The following RBFOX1 variants were observed in gnomAD, a reference collection of about 807,000 sequenced individuals.
RBFOX1 encodes RNA binding fox-1 homolog 1, also known as RNA binding protein fox-1 homolog 1.
In RBFOX1, 8 loss-of-function variants were observed where a neutral mutation model predicts 57.7. The ratio of observed to expected loss-of-function variants is 0.14; its 90% confidence interval spans 0.08 to 0.25. The LOEUF is 0.25. RBFOX1 is among the 10% of genes least tolerant of loss of function. RBFOX1 has a pLI of 1.00. For missense variants in RBFOX1, 611 were observed against 548.5 expected, an observed-to-expected ratio of 1.11 and a Z score of -1.14; for synonymous variants, 326 against 222.4, an observed-to-expected ratio of 1.47 and a Z score of -4.15.
intron 1 of RBFOX1, among the ~76,000 whole-genome samples, chr16:6,030,484 C>A (rs775866229): frequency 6.6e-6 from 1 of 152,170 alleles, no homozygotes; most frequent in Admixed American, 6.5e-5. Flanking sequence ...TATTTCTCTA[C>A]CCTTCCATTT....
At position 5,508,675 on chromosome 16, in the gene RBFOX1, G is replaced by T. The variant is rs764731328; in HGVS notation, c.258+41421G>T. ...CAGAGTGCCACACCCAAGATGGTGGGGAGGACTGCACAGAGCGATTGCACA... is the reference window on the plus strand; with the variant it reads ...CAGAGTGCCACACCCAAGATGGTGGTGAGGACTGCACAGAGCGATTGCACA... On this transcript the variant is annotated intron_variant, in intron 2 of 2. Coordinates refer to the RBFOX1 transcript ENST00000585867. 4.6e-4 allele frequency among the ~76,000 whole-genome samples: 70 copies of T among 152,050 alleles called. 1 individual carries two copies. The highest frequency in any genetic ancestry group is 3.2e-3 in the Middle Eastern group (1 of 316).
At chr16:6,708,767 G>T (rs2063225518) in intron 3 of RBFOX1, among the ~76,000 whole-genome samples, 1 of 152,158 alleles carries the variant, frequency 6.6e-6, no homozygotes, top group Non-Finnish European at 1.5e-5. Flanking sequence ...GACTGGCTGT[G>T]GGGAAGGTGT....
At chr16:5,435,459 A>G (rs892691747) in intron 1 of RBFOX1, among the ~76,000 whole-genome samples, 1 of 152,154 alleles carries the variant, frequency 6.6e-6, no homozygotes, top group African/African-American at 2.4e-5. Context: ...GAGTAGGGCT[A>G]TCCTGAAGGG....
intron 5 of RBFOX1, among the ~76,000 whole-genome samples, chr16:7,567,472 TCCC>T (rs1361076786): frequency 1.8e-5 from 1 of 55,284 alleles, no homozygotes; most frequent in Non-Finnish European, 4.4e-5. Context: ...TATATATATA[TCCC>T]TATGTATGGC....
intron 3 of RBFOX1, among the ~76,000 whole-genome samples, chr16:6,714,439 G>A (rs966732425): frequency 2.6e-5 from 4 of 152,150 alleles, no homozygotes; most frequent in African/African-American, 9.7e-5. Context: ...CTATATGGAA[G>A]TGAAGCTTTA....
intron 3 of RBFOX1, among the ~76,000 whole-genome samples, chr16:6,850,751 A>G (rs2094015982): frequency 1.3e-5 from 2 of 152,234 alleles, no homozygotes; most frequent in South Asian, 4.1e-4. Flanking sequence ...AATGCTGTCA[A>G]AGATCACTCA....
intron 1 of RBFOX1, among the ~76,000 whole-genome samples, chr16:6,049,640 G>C (rs1350925251): frequency 6.6e-6 from 1 of 152,100 alleles, no homozygotes. Flanking sequence ...CTATTAAATA[G>C]TGGTTTAATT....
At chr16:6,358,485 C>G (rs2087793128) in intron 2 of RBFOX1, among the ~76,000 whole-genome samples, 1 of 152,138 alleles carries the variant, frequency 6.6e-6, no homozygotes, top group Non-Finnish European at 1.5e-5. Context: ...TAATAATTCA[C>G]TAATTAATCC....
rs996270758 is a variant in RBFOX1, at chr16:6,496,943, A to G, written c.-63-157660A>G. On this transcript the variant is annotated intron_variant, in intron 2 of 15. Coordinates refer to ENST00000550418, the MANE Select transcript of RBFOX1 (RefSeq NM_018723.4). ...CCATTGCACTCCAGCCTGGGCAACA[A>G]GAGAGAAACTCCGTCTTCGGAAAAA... 2.6e-5 allele frequency among the ~76,000 whole-genome samples: 4 copies of G among 152,108 alleles called. No individual in the cohort carries two copies. In the East Asian group the frequency reaches 7.7e-4, roughly 29 times the overall value.
At chr16:6,083,014 G>T (rs140922496) in intron 1 of RBFOX1, among the ~76,000 whole-genome samples, 38 of 151,058 alleles carry the variant, frequency 2.5e-4, no homozygotes, top group Admixed American at 3.9e-4. Flanking sequence ...TTGTTTGTTT[G>T]TTTTTTAGAT....
intron 1 of RBFOX1, among the ~76,000 whole-genome samples, chr16:6,242,872 C>G (rs1167495263): frequency 3.9e-5 from 6 of 151,950 alleles, no homozygotes; most frequent in African/African-American, 7.3e-5. Flanking sequence ...GAGTTTTTAA[C>G]CAATGTTAAA....
chr16:5,938,707 G>T (rs1343134491), intron 4 of RBFOX1, among the ~76,000 whole-genome samples: 1 of 152,056 alleles, frequency 6.6e-6, no homozygotes, highest in East Asian at 1.9e-4. Context: ...TAGCCTGGTT[G>T]CTTCTCATTG....
At chr16:6,523,509 T>A (rs1216953607) in intron 2 of RBFOX1, among the ~76,000 whole-genome samples, 1 of 152,204 alleles carries the variant, frequency 6.6e-6, no homozygotes, top group African/African-American at 2.4e-5. Context: ...CCATACTTGA[T>A]CACTATCACC....
At chr16:5,364,639 C>T (rs2065655538) in intron 1 of RBFOX1, among the ~76,000 whole-genome samples, 1 of 152,150 alleles carries the variant, frequency 6.6e-6, no homozygotes, top group Non-Finnish European at 1.5e-5. Flanking sequence ...GGAACCCATT[C>T]CTTTATGCCA....
intron 1 of RBFOX1, among the ~76,000 whole-genome samples, chr16:6,229,949 A>G (rs2097446334): frequency 1.3e-5 from 2 of 152,204 alleles, no homozygotes; most frequent in South Asian, 2.1e-4. Flanking sequence ...AAAGGAAAAG[A>G]AAAGGTATGA....
chr16:6,132,049 C>G (rs1027645103), intron 1 of RBFOX1, among the ~76,000 whole-genome samples: 5 of 152,114 alleles, frequency 3.3e-5, no homozygotes, highest in Non-Finnish European at 7.4e-5. Flanking sequence ...TTTATTTTGC[C>G]AAATAGAAGC....
chr16:6,568,790 G>A (rs2097303333), intron 2 of RBFOX1, among the ~76,000 whole-genome samples: 1 of 151,954 alleles, frequency 6.6e-6, no homozygotes, highest in Admixed American at 6.6e-5. Flanking sequence ...TATTTTTTGA[G>A]ATTGAGTCTT....
chr16:7,224,903 T>A (rs1167188566), intron 4 of RBFOX1, among the ~76,000 whole-genome samples: 6 of 152,138 alleles, frequency 3.9e-5, no homozygotes, highest in Non-Finnish European at 7.4e-5. Flanking sequence ...TCATGTACTT[T>A]GAGTTAGAGA....
At chr16:5,886,518 C>T (rs982411806) in intron 4 of RBFOX1, among the ~76,000 whole-genome samples, 2 of 152,168 alleles carry the variant, frequency 1.3e-5, no homozygotes, top group African/African-American at 4.8e-5. Flanking sequence ...TTAATTAAAA[C>T]AGCAATAACT....
Sources: gnomAD v4.1 joint callset for allele counts (sites outside exome capture counted in the v4.1 genomes callset) on GRCh38, gnomAD v4.1.1 for gene constraint, MANE v1.5 for transcripts, NCBI Gene and HGNC (gene_info 2026-07-23, HGNC 2026-07-21) for gene names.